TCF12: variants seen among roughly 807,000 people sequenced by gnomAD.
The protein encoded by TCF12 is transcription factor 12, also known as DNA-binding protein HTF4.
Under a neutral mutation model 86.0 loss-of-function variants are expected in TCF12, and 45 were observed. That is an observed-to-expected ratio of 0.52 (90% confidence interval 0.41 to 0.67). The LOEUF (loss-of-function observed/expected upper bound fraction) is 0.67. Ranked by LOEUF, TCF12 falls within the 30% of genes least tolerant of loss-of-function variation. The pLI is 0.00. For missense variants in TCF12, 881 were observed against 859.9 expected (o/e 1.02, Z -0.31); for synonymous variants, 330 against 299.6 (o/e 1.10, Z -1.05).
chr15:57,280,549 T>A (rs2061640346), intron 19 of TCF12, among the ~76,000 whole-genome samples: 1 of 152,212 alleles, frequency 6.6e-6, no homozygotes, highest in Non-Finnish European at 1.5e-5. Context: ...TGTATTGAAA[T>A]TTATACATCC....
chr15:56,941,852 T>C (rs213159), intron 3 of TCF12, among the ~76,000 whole-genome samples: 143,521 of 152,126 alleles, frequency 0.94, 68,021 homozygotes, highest in Non-Finnish European at 0.99. Context: ...TGATAAAGAT[T>C]ATAATTCTCA....
At chr15:57,290,743 AC>A (rs2062062665), downstream of TCF12, 1 of 152,184 alleles carries the variant, frequency 6.6e-6, no homozygotes, top group African/African-American at 2.4e-5. Context: ...ACTGGGAGTT[AC>A]ATGGGGAGAC....
At chr15:57,061,629 C>T (rs895389419) in intron 3 of TCF12, among the ~76,000 whole-genome samples, 1 of 152,014 alleles carries the variant, frequency 6.6e-6, no homozygotes, top group Non-Finnish European at 1.5e-5. Context: ...TTAAAATACA[C>T]ATAAGCCTCA....
chr15:57,190,741 G>A lies in TCF12; in HGVS notation c.391-1417G>A, dbSNP rs577110011. Among the ~76,000 whole-genome samples the A allele has an allele frequency of 2.6e-3, 400 of 152,276 alleles. 1 individual carries two copies. Among genetic ancestry groups the A allele is most frequent in the Non-Finnish European group, 3.7e-3 (254 of 68,034 alleles). On this transcript the variant is annotated intron_variant, in intron 6 of 20. Transcript: ENST00000333725. ...AATTATAAATGAAGCACTTCACAAA[G>A]TCTCATAATGTCACTGTAGCATACC...
At chr15:56,978,857 G>A (rs1384031019) in intron 3 of TCF12, among the ~76,000 whole-genome samples, 1 of 152,118 alleles carries the variant, frequency 6.6e-6, no homozygotes, top group Non-Finnish European at 1.5e-5. Flanking sequence ...TCTAAAGATA[G>A]AATTTCTGCA....
intron 3 of TCF12, among the ~76,000 whole-genome samples, chr15:57,016,640 C>T (rs1239005384): frequency 6.6e-6 from 1 of 152,002 alleles, no homozygotes; most frequent in Non-Finnish European, 1.5e-5. Flanking sequence ...GACTGGGAGC[C>T]TAAGACAATG....
rs138145337 is a variant in TCF12, at chr15:57,197,152, C to CTTTTT, written c.527-604_527-600dup. On this transcript the variant is annotated intron_variant, in intron 7 of 20. Transcript: ENST00000333725. ...TATAGTACCTGGCACAGAACAGCTT[C>CTTTTT]TTTTTTTTTTTTTTTTTTTTTGAGA... 5.5e-3 allele frequency among the ~76,000 whole-genome samples: 479 copies of CTTTTT among 87,158 alleles called. 12 individuals carry two copies. The highest frequency in any genetic ancestry group is 9.1e-3 in the Middle Eastern group (1 of 110). The allele number at this position is 87,158 out of a possible 152,430, so 57.2% of individuals were successfully genotyped here.
intron 12 of TCF12, among the ~76,000 whole-genome samples, chr15:57,241,484 TAAATAGAGTATACAGTGTCTAGATCCTGA>T (rs1220407797): frequency 2.0e-5 from 3 of 152,344 alleles, no homozygotes; most frequent in South Asian, 2.1e-4. Context: ...AATAGCTTTT[TAAATAGAGTATACAGTGTCTAGATCCTGA>T]AAATAGAGTA....
At chr15:57,122,406 A>C (rs12438893) in intron 5 of TCF12, among the ~76,000 whole-genome samples, 6,106 of 152,270 alleles carry the variant, frequency 0.04, 374 homozygotes, top group Admixed American at 0.17. Flanking sequence ...TAGTAACTAC[A>C]GTTTGTTCAG....
At position 57,287,794 on chromosome 15, in the gene TCF12, AG is replaced by A. The variant is rs1249670224; in HGVS notation, c.*1650del. 6.6e-6 allele frequency: 1 copy of A among 152,650 alleles called. No individual in the cohort carries two copies. Among genetic ancestry groups the A allele is most frequent in the African/African-American group, 2.4e-5 (1 of 41,472 alleles). 9.5% of individuals were successfully genotyped at this position (152,650 alleles called of 1,614,324 possible). A position where few individuals can be genotyped will look rare whatever the true frequency, so the allele number is the denominator to read the frequency against. ...TAACAAGTCAGTCATTTGTGAACTT[AG>A]TGGACTTTTTGGTTACTTTAATTTG... is the stretch of plus-strand genomic sequence containing the variant. On this transcript the variant is annotated 3_prime_UTR_variant, in exon 21 of 21. Coordinates refer to ENST00000333725, the MANE Select transcript of TCF12 (RefSeq NM_207037.2).
intron 8 of TCF12, chr15:57,219,193 T>C: frequency 9.2e-7 from 1 of 1,088,822 alleles, no homozygotes; most frequent in Middle Eastern, 4.0e-4. Flanking sequence ...ATGAGACAAA[T>C]CTAATAATTT....
At chr15:57,043,165 A>T (rs1596272238) in intron 3 of TCF12, among the ~76,000 whole-genome samples, 3 of 152,138 alleles carry the variant, frequency 2.0e-5, no homozygotes, top group African/African-American at 7.2e-5. Flanking sequence ...ACCCACTAAA[A>T]CTACATGGAT....
intron 7 of TCF12, among the ~76,000 whole-genome samples, chr15:57,194,238 A>G (rs1189806455): frequency 7.0e-6 from 1 of 143,230 alleles, no homozygotes; most frequent in Non-Finnish European, 1.6e-5. Context: ...ATGATGATAG[A>G]CACTATTGAT....
At chr15:56,984,036 T>A (rs1170255881) in intron 3 of TCF12, among the ~76,000 whole-genome samples, 2 of 98,856 alleles carry the variant, frequency 2.0e-5, no homozygotes, top group Admixed American at 2.2e-4. Context: ...GAATTTTGGA[T>A]CAAGGATTAT....
At chr15:57,097,003 T>C (rs1344817914) in intron 5 of TCF12, among the ~76,000 whole-genome samples, 1 of 152,216 alleles carries the variant, frequency 6.6e-6, no homozygotes, top group African/African-American at 2.4e-5. Context: ...TTCTGTGTTT[T>C]ATTTCCATTT....
rs2151917831 is a variant in TCF12, at chr15:57,231,204, A to G, written c.632A>G (p.Tyr211Cys). 9 of 1,613,290 alleles carry G rather than the reference A, an allele frequency of 5.6e-6. No individual in the cohort carries two copies. Among genetic ancestry groups the G allele is most frequent in the Non-Finnish European group, 7.6e-6 (9 of 1,179,388 alleles). The change falls in exon 9 of 21, where the codon TAT becomes TGT. Residue 211 changes from tyrosine to cysteine, a missense_variant. This residue lies in a region of TCF12 where 766 missense variants were observed against 718.9 expected (regional missense o/e 1.07). Transcript: ENST00000333725. ...SDDFNRESPSYPSPKPPTSMF... is the reference protein window; with the variant it reads ...SDDFNRESPSCPSPKPPTSMF... Reference sequence around the variant, plus strand: ...GATTTCAACCGTGAATCTCCTAGTTATCCATCTCCTAAGCCACCAACCAGT... The same window carrying G: ...GATTTCAACCGTGAATCTCCTAGTTGTCCATCTCCTAAGCCACCAACCAGT...
At chr15:57,008,099 T>C (rs2064577634) in intron 3 of TCF12, among the ~76,000 whole-genome samples, 1 of 151,482 alleles carries the variant, frequency 6.6e-6, no homozygotes, top group South Asian at 2.1e-4. Context: ...TAGCTGGGAC[T>C]ACAGGCACAT....
chr15:57,036,699 A>T (rs1847034607), intron 3 of TCF12, among the ~76,000 whole-genome samples: 1 of 152,186 alleles, frequency 6.6e-6, no homozygotes, highest in African/African-American at 2.4e-5. Context: ...TTGAAAATTT[A>T]AAAAAATTAC....
At chr15:56,963,505 A>G (rs528578980) in intron 3 of TCF12, among the ~76,000 whole-genome samples, 1 of 152,306 alleles carries the variant, frequency 6.6e-6, no homozygotes, top group African/African-American at 2.4e-5. Flanking sequence ...ATTCTTAACT[A>G]AAGTGCCAGG....
Sources: gnomAD v4.1 joint callset for allele counts (sites outside exome capture counted in the v4.1 genomes callset) on GRCh38, gnomAD v4.1.1 for gene constraint, gnomAD v4.1.1 regional missense constraint, MANE v1.5 for transcripts, NCBI Gene and HGNC (gene_info 2026-07-23, HGNC 2026-07-21) for gene names.